TARS2: variants seen among roughly 807,000 people sequenced by gnomAD.
TARS2 encodes the protein threonyl-tRNA synthetase 2, mitochondrial.
A neutral mutation model predicts 94.4 loss-of-function variants in TARS2; 61 were observed. That is an observed-to-expected ratio of 0.65 (90% CI 0.53 to 0.80). The LOEUF (loss-of-function observed/expected upper bound fraction) is 0.80, where lower values mean the gene tolerates loss of function less well. TARS2 is among the 30% of genes least tolerant of loss of function. The probability of loss-of-function intolerance (pLI) is 0.00; values close to 1 mark genes in which losing one functional copy is unlikely to be tolerated. For missense variants in TARS2, 704 were observed against 902.5 expected, an observed-to-expected ratio of 0.78 and a Z score of 2.82; for synonymous variants, 359 against 353.4, an observed-to-expected ratio of 1.02 and a Z score of -0.18.
rs1434524617 is a variant in TARS2 at position 150,499,251 on chromosome 1, C to T, written c.1575C>T (p.Pro525=). ...AGGCCCTGAAGGAATTTGGAGAACCCTGGGACCTCAACTCTGGAGATGGTG... is the reference window on the plus strand; with the variant it reads ...AGGCCCTGAAGGAATTTGGAGAACCTTGGGACCTCAACTCTGGAGATGGTG... ...LKQALKEFGE[P]WDLNSGDGAF... is the part of the protein sequence containing the mutation. Residue 525 remains proline, a synonymous_variant, in exon 13 of 18, where the codon CCC becomes CCT. Coordinates refer to ENST00000369064, the MANE Select transcript of TARS2 (RefSeq NM_025150.5). 4 of 1,614,150 alleles carry T rather than the reference C, an allele frequency of 2.5e-6. No homozygotes were observed. The highest frequency in any genetic ancestry group is 1.3e-5 in the African/African-American group (1 of 75,016).
chr1:150,504,537 G>A, intron 14 of TARS2, 95 bp from the exon 15 acceptor site: 1 of 1,571,862 alleles, frequency 6.4e-7, no homozygotes, highest in Non-Finnish European at 8.7e-7. Context: ...TCTCCTGCCA[G>A]AGCTGAATAT....
intron 15 of TARS2, 63 bp from the exon 16 acceptor site, chr1:150,504,843 C>T (rs1670129061): frequency 6.2e-7 from 1 of 1,607,670 alleles, no homozygotes; most frequent in East Asian, 2.2e-5. Context: ...CTGCTCCATA[C>T]AAGCACACTT....
Position 150,503,545 on chromosome 1 carries a change from A to ATGTGTG in TARS2, c.1618-762_1618-757dup, listed in dbSNP as rs368609900. Among the ~76,000 whole-genome samples, 188 of 95,614 alleles carry ATGTGTG rather than the reference A, an allele frequency of 2.0e-3. 2 individuals carry two copies. Among genetic ancestry groups the ATGTGTG allele is most frequent in the Middle Eastern group, 4.7e-3 (1 of 212 alleles). 62.7% of individuals were successfully genotyped at this position (95,614 alleles called of 152,430 possible). A position where few individuals can be genotyped will look rare whatever the true frequency, so the allele number is the denominator to read the frequency against. Reference sequence around the variant, plus strand: ...CCTACTGAAAAAAAAAAATACACATATGTGTGTGTGTGTGTGTGTGTGTGT... The same window carrying ATGTGTG: ...CCTACTGAAAAAAAAAAATACACATATGTGTGTGTGTGTGTGTGTGTGTGTGTGTGT... On this transcript the variant is annotated intron_variant, in intron 13 of 17. Coordinates refer to ENST00000369064, the MANE Select transcript of TARS2 (RefSeq NM_025150.5).
At chr1:150,497,389 G>C in intron 9 of TARS2, 141 bp from the exon 10 acceptor site, 1 of 688,922 alleles carries the variant, frequency 1.5e-6, no homozygotes, top group Non-Finnish European at 2.5e-6. Flanking sequence ...CAGTCGGGGA[G>C]CATAGAGATG....
chr1:150,489,196 G>A (rs1669274504), intron 3 of TARS2, 109 bp downstream of exon 3: 2 of 1,500,830 alleles, frequency 1.3e-6, no homozygotes, highest in Non-Finnish European at 1.9e-6. Flanking sequence ...TTGCAGTTGG[G>A]AGGGAGACCT....
Position 150,498,921 on chromosome 1 carries a change from C to T in TARS2, c.1426C>T (p.Leu476Phe). ...DQLEAEIQSC[L>F]DFLRSVYAVL... The stretch of plus-strand genomic sequence containing the variant: ...GCTGGAAGCAGAGATCCAAAGCTGT[C>T]TTGATTTCCTCCGTTCCGTCTATGC... The change falls in exon 12 of 18, where the codon CTT becomes TTT. Residue 476 changes from leucine to phenylalanine, a missense_variant. Physicochemically the swap from Leu to Phe is conservative, Grantham distance 22. Around this residue, in one of 3 missense-constraint regions of TARS2, gnomAD observed 466 missense variants for 609.5 expected, o/e 0.76. Transcript: ENST00000369064. 2 of 1,614,230 alleles carry T rather than the reference C, an allele frequency of 1.2e-6. No individual in the cohort carries two copies. The highest frequency in any genetic ancestry group is 1.7e-6 in the Non-Finnish European group (2 of 1,180,052).
Position 150,498,519 on chromosome 1 carries a change from G to A in TARS2, c.1256G>A (p.Arg419Gln), listed in dbSNP as rs201748553. The change falls in exon 11 of 18, where the codon CGG becomes CAG. Residue 419 changes from arginine to glutamine, a missense_variant. Arg to Gln is a conservative substitution (Grantham distance 43). Transcript: ENST00000369064. ...AACCTCAGCCTGATGTTCGCCCACC[G>A]GCCCAGATCCTGGCGGGAACTGCCC... The part of the protein sequence containing the change: ...CPAHCLMFAH[R>Q]PRSWRELPLR... 20 of 1,585,682 alleles carry A rather than the reference G, an allele frequency of 1.3e-5. No homozygotes were observed. Among genetic ancestry groups the A allele is most frequent in the Middle Eastern group, 1.7e-4 (1 of 5,930 alleles).
In TARS2 at chr1:150,487,931, TAA is replaced by T; in HGVS notation, c.142_143del (p.Lys48GlufsTer14). Reference sequence around the variant, plus strand: ...TTTGAGGAGCTGTGGGCTGCTCAGGTAAAGAGATTAGCAAGCATGGCACAGAA... The same window carrying T: ...TTTGAGGAGCTGTGGGCTGCTCAGGTAGAGATTAGCAAGCATGGCACAGAA... On this transcript the variant is annotated frameshift_variant, in exon 2 of 18. Coordinates refer to ENST00000369064, the MANE Select transcript of TARS2 (RefSeq NM_025150.5). LOFTEE classifies it high-confidence loss of function. 1 of 1,613,792 alleles carries T rather than the reference TAA, an allele frequency of 6.2e-7. No individual in the cohort carries two copies. Among genetic ancestry groups the T allele is most frequent in the East Asian group, 2.2e-5 (1 of 44,876 alleles).
chr1:150,505,165 C>A (rs1670146570), intron 16 of TARS2, among the ~76,000 whole-genome samples, 187 bp downstream of exon 16: 1 of 152,162 alleles, frequency 6.6e-6, no homozygotes, highest in South Asian at 2.1e-4. Context: ...GTGACTAATG[C>A]CTACCTTGTA....
At chr1:150,500,190 C>G (rs7553647) in intron 13 of TARS2, among the ~76,000 whole-genome samples, 2 of 151,386 alleles carry the variant, frequency 1.3e-5, no homozygotes, top group Non-Finnish European at 1.5e-5. Flanking sequence ...AAAAAAGAAG[C>G]CAAGGGGAAA....
chr1:150,497,722 A>G lies in TARS2; in HGVS notation c.1213A>G (p.Lys405Glu). 6.2e-7 allele frequency: 1 copy of G among 1,614,068 alleles called. No homozygotes were observed. The highest frequency in any genetic ancestry group is 8.5e-7 in the Non-Finnish European group (1 of 1,180,004). ...TRHITDTLAL[K>E]PMNCPAHCLM... ...GCATATCACAGATACACTCGCCCTC[A>G]AGCCTATGAACTGCCCTGCACACTG... The change falls in exon 10 of 18, where the codon AAG becomes GAG. Residue 405 changes from lysine (K) to glutamate (E), a missense_variant. By Grantham distance (56) the Lys-to-Glu change is moderately conservative. Transcript: ENST00000369064.
At chr1:150,506,875 G>A (rs950683623) in intron 17 of TARS2, 41 bp from the exon 18 acceptor site, 3 of 1,611,638 alleles carry the variant, frequency 1.9e-6, no homozygotes, top group African/African-American at 1.3e-5. Flanking sequence ...TTCCATGTGG[G>A]TGAATTTGCC....
intron 2 of TARS2, 163 bp downstream of exon 2, chr1:150,488,217 T>C: frequency 1.2e-6 from 1 of 804,726 alleles, no homozygotes; most frequent in Non-Finnish European, 1.9e-6. Context: ...TGTTCTTTTA[T>C]ACAGACGGGG....
At position 150,507,239 on chromosome 1, in the gene TARS2, G is replaced by A. The variant is rs1670270463; in HGVS notation, c.*175G>A. 1 of 808,222 alleles carries A rather than the reference G, an allele frequency of 1.2e-6. No homozygotes were observed. The highest frequency in any genetic ancestry group is 1.9e-6 in the Non-Finnish European group (1 of 533,366). 50.1% of individuals were successfully genotyped at this position (808,222 alleles called of 1,614,324 possible). ...GGGACCCCACAAAAGGAGGGAAGCTGTAGCTGTTTGGATGTGAGGAGAATG... is the reference window on the plus strand; with the variant it reads ...GGGACCCCACAAAAGGAGGGAAGCTATAGCTGTTTGGATGTGAGGAGAATG... On this transcript the variant is annotated 3_prime_UTR_variant, in exon 18 of 18. Coordinates refer to ENST00000369064, the MANE Select transcript of TARS2 (RefSeq NM_025150.5).
chr1:150,492,746 G>A (rs1669451901), intron 7 of TARS2, among the ~76,000 whole-genome samples: 1 of 147,432 alleles, frequency 6.8e-6, no homozygotes, highest in Non-Finnish European at 1.5e-5. Context: ...GGAGGCGGAG[G>A]TTGTAGTGAG....
chr1:150,496,878 G>C lies in TARS2; in HGVS notation c.990G>C (p.Arg330Ser). ...GCTTCTTCCTGCCACGAGGGACAAG[G>C]GTGTATAATGCACTAGTGGCGTTTA... ...GSCFFLPRGT[R>S]VYNALVAFIR... is the part of the protein sequence containing the mutation. The change falls in exon 9 of 18, where the codon AGG becomes AGC. Residue 330 changes from arginine to serine, a missense_variant. Physicochemically the swap from Arg to Ser is moderately radical, Grantham distance 110. This residue lies in a region of TARS2 where 466 missense variants were observed against 609.5 expected (regional missense o/e 0.76). Coordinates refer to ENST00000369064, the MANE Select transcript of TARS2 (RefSeq NM_025150.5). The C allele has an allele frequency of 6.2e-7, 1 of 1,614,072 alleles. No homozygotes were observed. Among genetic ancestry groups the C allele is most frequent in the East Asian group, 2.2e-5 (1 of 44,880 alleles).
At chr1:150,498,414 A>G in intron 10 of TARS2, 88 bp from the exon 11 acceptor site, 1 of 1,473,356 alleles carries the variant, frequency 6.8e-7, no homozygotes, top group South Asian at 1.5e-5. Context: ...GATGGTGCAG[A>G]GAAAGTAGGC....
intron 13 of TARS2, among the ~76,000 whole-genome samples, chr1:150,503,494 C>A (rs1670012451): frequency 6.6e-6 from 1 of 150,418 alleles, no homozygotes; most frequent in Non-Finnish European, 1.5e-5. Flanking sequence ...TTGAGACCAG[C>A]CTTGCCAACA....
Position 150,487,528 on chromosome 1 carries a change from AC to A in TARS2, c.66+17del. On this transcript the variant is annotated intron_variant, in intron 1 of 17. Coordinates refer to ENST00000369064, the MANE Select transcript of TARS2 (RefSeq NM_025150.5). ...GCAGGCTACACACGGTGCGTGAGGC[AC>A]CCCCAAAGCTCCGATCCGCATCAGA... 1 of 1,613,992 alleles carries A rather than the reference AC, an allele frequency of 6.2e-7. No homozygotes were observed. The highest frequency in any genetic ancestry group is 8.5e-7 in the Non-Finnish European group (1 of 1,179,996).
Sources: gnomAD v4.1 joint callset for allele counts (sites outside exome capture counted in the v4.1 genomes callset) on GRCh38, gnomAD v4.1.1 for gene constraint, gnomAD v4.1.1 regional missense constraint, MANE v1.5 for transcripts, NCBI Gene and HGNC (gene_info 2026-07-23, HGNC 2026-07-21) for gene names.